The following GPLD1 variants were observed in gnomAD, a reference collection of about 807,000 sequenced individuals.
The protein encoded by GPLD1 is phosphatidylinositol-glycan-specific phospholipase D.
In GPLD1, 84 loss-of-function variants were observed where a neutral mutation model predicts 112.6. The ratio of observed to expected loss-of-function variants is 0.75; its 90% CI spans 0.63 to 0.89. The LOEUF (loss-of-function observed/expected upper bound fraction) is 0.89, where lower values mean the gene tolerates loss of function less well. Among genes scored for constraint, GPLD1 ranks in the 40% least tolerant of loss-of-function variants. The pLI, the probability that GPLD1 is intolerant of heterozygous loss-of-function variation, is 0.00. For missense variants in GPLD1, 1,044 were observed against 1,051.5 expected (o/e 0.99, Z 0.10); for synonymous variants, 386 against 403.8 (o/e 0.96, Z 0.53).
chr6:24,440,814 T>C (rs1377904375), intron 20 of GPLD1, among the ~76,000 whole-genome samples: 1 of 151,928 alleles, frequency 6.6e-6, no homozygotes, highest in Non-Finnish European at 1.5e-5. Context: ...TAGGCAGATA[T>C]CTATAAACAC....
At position 24,427,532 on chromosome 6, in the gene GPLD1, A is replaced by G. The variant is rs1405977777; in HGVS notation, c.*1500T>C. ...TGTCCTTCACTATATAAACATTGAA[A>G]AGGTATTAATCCTCATTAAGAAAGG... On this transcript the variant is annotated 3_prime_UTR_variant, in exon 25 of 25. Coordinates refer to ENST00000230036, the MANE Select transcript of GPLD1 (RefSeq NM_001503.4). Among the ~76,000 whole-genome samples, 1 of 152,160 alleles carries G rather than the reference A, an allele frequency of 6.6e-6. No individual in the cohort carries two copies. The highest frequency in any genetic ancestry group is 1.9e-4 in the East Asian group (1 of 5,190).
At chr6:24,429,188 C>A in intron 24 of GPLD1, 70 bp from the exon 25 acceptor site, 2 of 930,370 alleles carry the variant, frequency 2.1e-6, no homozygotes, top group Non-Finnish European at 1.7e-6. Flanking sequence ...GTAGTCCAGG[C>A]ATCATGCTAT....
Position 24,488,390 on chromosome 6 carries a change from G to A in GPLD1, c.97+1025C>T, listed in dbSNP as rs150832275. Among the ~76,000 whole-genome samples, 15 of 149,682 alleles carry A rather than the reference G, an allele frequency of 1.0e-4. No individual in the cohort carries two copies. The East Asian group carries it at 2.2e-3, about 22-fold the overall frequency. The stretch of plus-strand genomic sequence containing the variant: ...TTGCGCCACTGCACTCCAGCATGGC[G>A]GACAGAGCGAGACTCCGTCTCAAAA... On this transcript the variant is annotated intron_variant, in intron 1 of 24. Transcript: ENST00000230036.
At chr6:24,439,966 A>T (rs1267783109) in intron 20 of GPLD1, among the ~76,000 whole-genome samples, 1 of 152,152 alleles carries the variant, frequency 6.6e-6, no homozygotes, top group East Asian at 1.9e-4. Flanking sequence ...TGTGTTTGGG[A>T]TGCAGGGGTG....
chr6:24,476,397 C>T (rs1321756510), intron 3 of GPLD1, 119 bp from the exon 4 acceptor site: 1 of 608,950 alleles, frequency 1.6e-6, no homozygotes, highest in Non-Finnish European at 2.9e-6. Flanking sequence ...CCATGCCCCT[C>T]AGTTTCTTCT....
At chr6:24,495,160 C>G (rs1472036270) in exon 1 of GPLD1, 2 of 1,460,548 alleles carry the variant, frequency 1.4e-6, no homozygotes, top group Non-Finnish European at 9.0e-7. Context: ...GCGGGCCTCT[C>G]TGCGGCGCTG....
At chr6:24,484,447 C>T (rs1764306956) in intron 2 of GPLD1, among the ~76,000 whole-genome samples, 1 of 151,910 alleles carries the variant, frequency 6.6e-6, no homozygotes, top group African/African-American at 2.4e-5. Context: ...AACTCCTGAC[C>T]TCACGTGATC....
chr6:24,470,757 C>T (rs1464127526), intron 7 of GPLD1, among the ~76,000 whole-genome samples: 10 of 152,130 alleles, frequency 6.6e-5, no homozygotes, highest in African/African-American at 1.9e-4. Flanking sequence ...TGCCATCGTA[C>T]CAGGCTAATT....
intron 15 of GPLD1, among the ~76,000 whole-genome samples, chr6:24,449,539 G>T (rs973411815): frequency 2.6e-5 from 4 of 152,168 alleles, no homozygotes; most frequent in African/African-American, 9.7e-5. Context: ...GAAAAAAAGG[G>T]CTAAGTACCT....
At chr6:24,452,867 GA>G (rs1311298860) in intron 14 of GPLD1, among the ~76,000 whole-genome samples, 3 of 151,862 alleles carry the variant, frequency 2.0e-5, no homozygotes, top group South Asian at 2.1e-4. Context: ...GCCTTGCCTG[GA>G]ACAAGAACCA....
chr6:24,448,866 T>A (rs1157813268), intron 15 of GPLD1, among the ~76,000 whole-genome samples: 3 of 152,100 alleles, frequency 2.0e-5, no homozygotes, highest in African/African-American at 7.2e-5. Flanking sequence ...CCTGTCTCCA[T>A]CCCCATTCAT....
chr6:24,445,610 G>A lies in GPLD1; in HGVS notation c.1956C>T (p.Ser652=). The part of the protein sequence containing the change: ...KAMGKLGTSL[S]SGHVLMNGTL... ...TCCCATTCATCAGTACGTGGCCACT[G>A]GAAAGGGAAGTACCCAGTTTCCCCA... Residue 652 remains serine (S), a synonymous_variant, in exon 20 of 25, where the codon TCC becomes TCT. Transcript: ENST00000230036. The A allele has an allele frequency of 1.2e-6, 2 of 1,613,774 alleles. No individual in the cohort carries two copies. The highest frequency in any genetic ancestry group is 1.7e-6 in the Non-Finnish European group (2 of 1,179,748).
intron 1 of GPLD1, among the ~76,000 whole-genome samples, chr6:24,494,636 G>T (rs1764642682): frequency 6.6e-6 from 1 of 152,130 alleles, no homozygotes; most frequent in Non-Finnish European, 1.5e-5. Flanking sequence ...GCAGCGATTG[G>T]GGGCTCAGGA....
At position 24,447,882 on chromosome 6, in the gene GPLD1, TC is replaced by T. The variant is rs752492327; in HGVS notation, c.1672del (p.Asp558ThrfsTer5). On this transcript the variant is annotated frameshift_variant, in exon 17 of 25. Transcript: ENST00000230036. LOFTEE classifies it high-confidence loss of function. ...AAFYSGPSLS[D>X]KEKLNVEAAN... ...CATTCCCCCTCAGGCACTACCTTTG[TC>T]GCTCAGGCTGGGGCCAGAATAAAAC... The T allele has an allele frequency of 6.2e-7, 1 of 1,613,868 alleles. No individual in the cohort carries two copies. Among genetic ancestry groups the T allele is most frequent in the Non-Finnish European group, 8.5e-7 (1 of 1,179,970 alleles).
intron 3 of GPLD1, among the ~76,000 whole-genome samples, chr6:24,477,155 T>C (rs916984978): frequency 1.3e-4 from 19 of 151,292 alleles, no homozygotes; most frequent in South Asian, 6.3e-4. Context: ...AATATGGCAG[T>C]AGCTCTTTTG....
intron 3 of GPLD1, among the ~76,000 whole-genome samples, chr6:24,476,548 G>A (rs1231618008): frequency 6.6e-5 from 10 of 152,094 alleles, no homozygotes; most frequent in African/African-American, 1.9e-4. Flanking sequence ...TCGCAAGCCC[G>A]GCTACCTGGT....
chr6:24,449,259 C>CAGCT (rs1235919678), intron 15 of GPLD1, among the ~76,000 whole-genome samples: 18 of 152,094 alleles, frequency 1.2e-4, no homozygotes, highest in Admixed American at 6.5e-4. Context: ...CTGCAGAGGG[C>CAGCT]AGCTGGCAAG....
intron 6 of GPLD1, 84 bp from the exon 7 acceptor site, chr6:24,472,720 G>T: frequency 1.3e-6 from 1 of 768,938 alleles, no homozygotes; most frequent in African/African-American, 1.7e-5. Context: ...CTGACAAGTT[G>T]GATTATTAGT....
At chr6:24,466,988 G>C (rs191789114) in intron 8 of GPLD1, 49 bp from the exon 9 acceptor site, 1 of 1,500,720 alleles carries the variant, frequency 6.7e-7, no homozygotes, top group African/African-American at 1.4e-5. Flanking sequence ...TTGTAACAGA[G>C]AAATGAAGCA....
Sources: allele counts gnomAD v4.1 joint callset (sites outside exome capture counted in the v4.1 genomes callset), GRCh38; gene constraint gnomAD v4.1.1; transcripts MANE v1.5; gene names NCBI Gene and HGNC (gene_info 2026-07-23, HGNC 2026-07-21).